The following DNAJC13 variants were observed in gnomAD, a reference collection of about 807,000 sequenced individuals.
The protein encoded by DNAJC13 is DnaJ heat shock protein family (Hsp40) member C13, also known as dnaJ homolog subfamily C member 13.
DNAJC13 carries 75 observed loss-of-function variants against 290.5 expected under a neutral mutation model. The ratio of observed to expected loss-of-function variants is 0.26; its 90% CI spans 0.21 to 0.31. DNAJC13 has a LOEUF of 0.31. Among genes scored for constraint, DNAJC13 ranks in the 10% least tolerant of loss-of-function variants. The probability of loss-of-function intolerance (pLI) is 1.00; values close to 1 mark genes in which losing one functional copy is unlikely to be tolerated. For missense variants in DNAJC13, 2,260 were observed against 2,674.5 expected, an observed-to-expected ratio of 0.85 and a Z score of 3.42; for synonymous variants, 862 against 892.0, an observed-to-expected ratio of 0.97 and a Z score of 0.60.
intron 55 of DNAJC13, among the ~76,000 whole-genome samples, chr3:132,537,676 C>T (rs577587114): frequency 1.3e-5 from 2 of 152,270 alleles, no homozygotes; most frequent in East Asian, 3.9e-4. Context: ...TTTCAGAGTC[C>T]TTGGTTTAGC....
chr3:132,426,134 T>A (rs980833293), intron 1 of DNAJC13, among the ~76,000 whole-genome samples: 1 of 152,182 alleles, frequency 6.6e-6, no homozygotes, highest in Admixed American at 6.5e-5. Context: ...GTAGTATTCA[T>A]TGAGAGAGGT....
chr3:132,496,122 G>T (rs553580271), intron 35 of DNAJC13, among the ~76,000 whole-genome samples: 1 of 152,066 alleles, frequency 6.6e-6, no homozygotes, highest in Non-Finnish European at 1.5e-5. Flanking sequence ...GCATCCTCAT[G>T]TAAAAAATGA....
chr3:132,428,019 A>G (rs1445467526), intron 1 of DNAJC13, among the ~76,000 whole-genome samples: 1 of 152,190 alleles, frequency 6.6e-6, no homozygotes, highest in Non-Finnish European at 1.5e-5. Flanking sequence ...GCTAGTCTCT[A>G]GTTAACGTAT....
chr3:132,496,501 C>T (rs777088556), intron 35 of DNAJC13, 27 bp from the exon 36 acceptor site: 9 of 1,529,274 alleles, frequency 5.9e-6, no homozygotes, highest in Admixed American at 4.2e-5. Flanking sequence ...TCCAAATTAA[C>T]GTTAAATTAT....
chr3:132,430,847 G>T (rs1183901649), intron 1 of DNAJC13, among the ~76,000 whole-genome samples: 1 of 152,154 alleles, frequency 6.6e-6, no homozygotes, highest in East Asian at 1.9e-4. Flanking sequence ...AATCTTAGTT[G>T]GGTGCTTTGG....
intron 18 of DNAJC13, 33 bp from the exon 19 acceptor site, chr3:132,466,264 TCA>T: frequency 1.3e-6 from 2 of 1,559,884 alleles, no homozygotes; most frequent in Non-Finnish European, 1.7e-6. Flanking sequence ...ATTTTCTTTT[TCA>T]CATTGTTTTG....
intron 14 of DNAJC13, among the ~76,000 whole-genome samples, 154 bp from the exon 15 acceptor site, chr3:132,460,896 A>G (rs958754812): frequency 6.6e-6 from 1 of 152,216 alleles, no homozygotes; most frequent in African/African-American, 2.4e-5. Context: ...AGCAAGTACT[A>G]AAGAGTCATC....
At chr3:132,432,772 T>C (rs988602086) in intron 1 of DNAJC13, among the ~76,000 whole-genome samples, 2 of 152,232 alleles carry the variant, frequency 1.3e-5, no homozygotes, top group African/African-American at 4.8e-5. Context: ...TGTGGTTTCA[T>C]TGCATGTGAC....
At chr3:132,516,615 A>G (rs1304991204) in intron 47 of DNAJC13, 89 bp from the exon 48 acceptor site, 1 of 1,524,216 alleles carries the variant, frequency 6.6e-7, no homozygotes, top group Non-Finnish European at 8.9e-7. Context: ...GTTTTTAAAA[A>G]CTACATTCAG....
chr3:132,525,257 T>C (rs573099374), intron 51 of DNAJC13, among the ~76,000 whole-genome samples: 2 of 152,266 alleles, frequency 1.3e-5, no homozygotes, highest in South Asian at 4.1e-4. Context: ...GGAGAATTGC[T>C]TGAACCTGGG....
At chr3:132,528,044 G>A (rs1367243186) in intron 53 of DNAJC13, 145 bp from the exon 54 acceptor site, 1 of 754,670 alleles carries the variant, frequency 1.3e-6, no homozygotes, top group Non-Finnish European at 2.1e-6. Context: ...AAATAAAAAT[G>A]TCATTAGATA....
At chr3:132,422,642 G>A (rs1395248238) in intron 1 of DNAJC13, among the ~76,000 whole-genome samples, 1 of 152,132 alleles carries the variant, frequency 6.6e-6, no homozygotes, top group African/African-American at 2.4e-5. Flanking sequence ...AGATTTCTTT[G>A]TAACAAATAG....
intron 1 of DNAJC13, among the ~76,000 whole-genome samples, chr3:132,426,974 A>G (rs1009105262): frequency 6.6e-6 from 1 of 151,944 alleles, no homozygotes; most frequent in Admixed American, 6.6e-5. Context: ...TTGTAGGAAT[A>G]AAGTTGAAAT....
chr3:132,517,238 T>C (rs1215686621), intron 48 of DNAJC13, among the ~76,000 whole-genome samples: 1 of 152,238 alleles, frequency 6.6e-6, no homozygotes, highest in East Asian at 1.9e-4. Flanking sequence ...TGAATTCATA[T>C]AGGGGCATGA....
Position 132,496,680 on chromosome 3 carries a change from C to T in DNAJC13, c.4156+17C>T. 1 of 1,586,638 alleles carries T rather than the reference C, an allele frequency of 6.3e-7. No homozygotes were observed. Among genetic ancestry groups the T allele is most frequent in the Non-Finnish European group, 8.6e-7 (1 of 1,168,726 alleles). On this transcript the variant is annotated intron_variant, in intron 36 of 55. Transcript: ENST00000260818. ...ATAAAGAAGGTAAGATGTCTGTTCT[C>T]AGATTTTAATTTATCCTCCAGCTAA...
At chr3:132,477,655 C>A (rs1934517992) in intron 22 of DNAJC13, 134 bp from the exon 23 acceptor site, 1 of 620,400 alleles carries the variant, frequency 1.6e-6, no homozygotes, top group Non-Finnish European at 2.8e-6. Context: ...CTAAAATAGT[C>A]ATGTTAACAA....
At chr3:132,469,963 C>CTTTTTTTTT (rs61726289) in intron 20 of DNAJC13, among the ~76,000 whole-genome samples, 9 of 61,152 alleles carry the variant, frequency 1.5e-4, no homozygotes, top group Admixed American at 4.0e-4. Flanking sequence ...AGCAGAGATT[C>CTTTTTTTTT]TTTTTTTTTT....
chr3:132,450,503 G>T, intron 5 of DNAJC13, 144 bp from the exon 6 acceptor site: 1 of 574,706 alleles, frequency 1.7e-6, no homozygotes, highest in Non-Finnish European at 3.0e-6. Context: ...ATTAATCATA[G>T]TTTTAACAAT....
chr3:132,484,771 T>C, intron 29 of DNAJC13, 99 bp downstream of exon 29: 1 of 1,176,284 alleles, frequency 8.5e-7, no homozygotes. Context: ...TATTCCATTT[T>C]CAAAAAGCCT....
Sources: allele counts gnomAD v4.1 joint callset (sites outside exome capture counted in the v4.1 genomes callset), GRCh38; gene constraint gnomAD v4.1.1; transcripts MANE v1.5; gene names NCBI Gene and HGNC (gene_info 2026-07-23, HGNC 2026-07-21).